KIAA1328: variants seen among roughly 807,000 people sequenced by gnomAD.
KIAA1328 encodes protein hinderin.
A neutral mutation model predicts 68.1 loss-of-function variants in KIAA1328; 52 were observed. That is an observed-to-expected ratio of 0.76 (90% CI 0.61 to 0.96). The LOEUF is 0.96. KIAA1328 is among the 40% of genes least tolerant of loss of function. The pLI is 0.00. For synonymous variants in KIAA1328, 232 were observed against 239.4 expected (o/e 0.97, Z 0.28); for missense variants, 641 against 677.6 (o/e 0.95, Z 0.60).
chr18:36,989,070 C>T lies in KIAA1328; in HGVS notation c.576+29635C>T, dbSNP rs192311817. On this transcript the variant is annotated intron_variant, in intron 6 of 9. Transcript: ENST00000280020. ...TTGTGAAGTAGATTCTGGTGAAAAC[C>T]GAGAATATTGCCTATTTGGTAATGC... 1.3e-3 allele frequency among the ~76,000 whole-genome samples: 205 copies of T among 152,136 alleles called. No individual in the cohort carries two copies. In the East Asian group the frequency reaches 0.014, roughly 10 times the overall value.
chr18:37,208,221 C>G (rs1478347866), intron 9 of KIAA1328, among the ~76,000 whole-genome samples: 2 of 152,140 alleles, frequency 1.3e-5, no homozygotes, highest in Admixed American at 6.5e-5. Flanking sequence ...GTGAGACCAG[C>G]AGGCAGAGAT....
At chr18:37,105,103 T>C (rs2057733051) in intron 7 of KIAA1328, among the ~76,000 whole-genome samples, 1 of 152,248 alleles carries the variant, frequency 6.6e-6, no homozygotes, top group South Asian at 2.1e-4. Flanking sequence ...TTGAAAATTC[T>C]TCAGCAACAT....
At chr18:37,216,433 A>T (rs1441639270) in intron 9 of KIAA1328, among the ~76,000 whole-genome samples, 1 of 152,116 alleles carries the variant, frequency 6.6e-6, no homozygotes, top group Non-Finnish European at 1.5e-5. Flanking sequence ...CAGGTTGTTC[A>T]GTTTCCATGT....
At chr18:36,870,313 G>A in intron 4 of KIAA1328, among the ~76,000 whole-genome samples, 1 of 152,116 alleles carries the variant, frequency 6.6e-6, no homozygotes, top group South Asian at 2.1e-4. Context: ...AGTTTTTAGA[G>A]TAATTGATTA....
chr18:37,202,155 A>G (rs1172023928), intron 9 of KIAA1328, among the ~76,000 whole-genome samples: 1 of 152,164 alleles, frequency 6.6e-6, no homozygotes, highest in African/African-American at 2.4e-5. Flanking sequence ...TTTTAACAAA[A>G]GCATACTTTA....
At chr18:37,055,072 T>C (rs1226643003) in intron 6 of KIAA1328, among the ~76,000 whole-genome samples, 1 of 152,206 alleles carries the variant, frequency 6.6e-6, no homozygotes, top group Non-Finnish European at 1.5e-5. Context: ...CTAGAATAAG[T>C]TATGAGAGCC....
chr18:37,222,469 A>G lies in KIAA1328; in HGVS notation c.*242A>G, dbSNP rs2060582674. On this transcript the variant is annotated 3_prime_UTR_variant, in exon 10 of 10. Coordinates refer to ENST00000280020, the MANE Select transcript of KIAA1328 (RefSeq NM_020776.3). ...AGATGGTATCTTTTATATGCTAAACAGATTAGAAAATTAACATAGGATACT... is the reference window on the plus strand; with the variant it reads ...AGATGGTATCTTTTATATGCTAAACGGATTAGAAAATTAACATAGGATACT... 3.8e-6 allele frequency: 5 copies of G among 1,324,334 alleles called. No homozygotes were observed. In the South Asian group the frequency reaches 5.2e-5, roughly 14 times the overall value. The allele number at this position is 1,324,334 out of a possible 1,614,324, so 82.0% of individuals were successfully genotyped here.
At chr18:36,956,809 C>G (rs948952355) in intron 5 of KIAA1328, among the ~76,000 whole-genome samples, 1 of 152,104 alleles carries the variant, frequency 6.6e-6, no homozygotes, top group Non-Finnish European at 1.5e-5. Flanking sequence ...TAAAAATCTC[C>G]TTTGTGTACA....
At chr18:37,056,950 G>A (rs2055934403) in intron 6 of KIAA1328, among the ~76,000 whole-genome samples, 1 of 152,038 alleles carries the variant, frequency 6.6e-6, no homozygotes. Flanking sequence ...GCCTATATAA[G>A]ACAAATCCTA....
At chr18:37,050,356 T>G (rs1260656074) in intron 6 of KIAA1328, among the ~76,000 whole-genome samples, 1 of 152,220 alleles carries the variant, frequency 6.6e-6, no homozygotes, top group Non-Finnish European at 1.5e-5. Flanking sequence ...ATTTTATACC[T>G]CTGAAGACTG....
At chr18:36,844,511 TC>T (rs1568067545) in intron 4 of KIAA1328, among the ~76,000 whole-genome samples, 1 of 152,018 alleles carries the variant, frequency 6.6e-6, no homozygotes, top group Non-Finnish European at 1.5e-5. Flanking sequence ...ATTTACATTT[TC>T]TTATTTACTT....
At chr18:37,138,895 G>C (rs890569452) in intron 7 of KIAA1328, among the ~76,000 whole-genome samples, 2 of 150,736 alleles carry the variant, frequency 1.3e-5, no homozygotes, top group Non-Finnish European at 2.9e-5. Context: ...TTTGGAGTTG[G>C]AAGGCAGAAA....
At chr18:37,219,279 C>T (rs560224959) in intron 9 of KIAA1328, among the ~76,000 whole-genome samples, 3 of 152,338 alleles carry the variant, frequency 2.0e-5, no homozygotes, top group Non-Finnish European at 4.4e-5. Flanking sequence ...AGTTAGGCTA[C>T]ACAGGGGTCA....
chr18:37,229,316 C>CT (rs2060654500), downstream of KIAA1328, among the ~76,000 whole-genome samples: 1 of 152,078 alleles, frequency 6.6e-6, no homozygotes, highest in South Asian at 2.1e-4. Context: ...GAGATGAGGC[C>CT]TTTTTTCATA....
chr18:37,052,227 A>T (rs2055726289), intron 6 of KIAA1328, among the ~76,000 whole-genome samples: 1 of 152,220 alleles, frequency 6.6e-6, no homozygotes, highest in African/African-American at 2.4e-5. Flanking sequence ...TCACTCCATA[A>T]ACAGAATTAA....
chr18:37,102,205 C>G (rs1233872500), intron 7 of KIAA1328, among the ~76,000 whole-genome samples: 3 of 152,168 alleles, frequency 2.0e-5, no homozygotes, highest in African/African-American at 7.2e-5. Flanking sequence ...TCAACATATG[C>G]AATTCACTAA....
intron 7 of KIAA1328, among the ~76,000 whole-genome samples, chr18:37,082,900 C>T (rs1463453818): frequency 6.6e-6 from 1 of 152,028 alleles, no homozygotes; most frequent in East Asian, 1.9e-4. Flanking sequence ...AAATATTTAC[C>T]TTTGTCTCCC....
intron 6 of KIAA1328, among the ~76,000 whole-genome samples, chr18:37,012,284 C>T (rs2054005219): frequency 6.6e-6 from 1 of 152,154 alleles, no homozygotes; most frequent in Non-Finnish European, 1.5e-5. Flanking sequence ...GACTCCCATC[C>T]ATGAAATCTA....
intron 9 of KIAA1328, among the ~76,000 whole-genome samples, chr18:37,202,426 G>C (rs1011637033): frequency 6.6e-6 from 1 of 152,152 alleles, no homozygotes; most frequent in Non-Finnish European, 1.5e-5. Flanking sequence ...CCAATGGTAT[G>C]ATCTCCAAAG....
Sources: gnomAD v4.1 joint callset for allele counts (sites outside exome capture counted in the v4.1 genomes callset) on GRCh38, gnomAD v4.1.1 for gene constraint, MANE v1.5 for transcripts, NCBI Gene and HGNC (gene_info 2026-07-23, HGNC 2026-07-21) for gene names.